The following RELCH variants were observed in gnomAD, a reference collection of about 807,000 sequenced individuals.
RELCH encodes the protein RAB11-binding protein RELCH.
RELCH carries 41 observed loss-of-function variants against 150.3 expected under a neutral mutation model. The ratio of observed to expected loss-of-function variants is 0.27; its 90% CI spans 0.21 to 0.35. The LOEUF is 0.35. Among genes scored for constraint, RELCH ranks in the 10% least tolerant of loss-of-function variants. The pLI is 1.00. For synonymous variants in RELCH, 478 were observed against 531.8 expected, an observed-to-expected ratio of 0.90 and a Z score of 1.39; for missense variants, 1,092 against 1,467.8, an observed-to-expected ratio of 0.74 and a Z score of 4.18.
chr18:62,291,240 A>G (rs940003309), intron 26 of RELCH, among the ~76,000 whole-genome samples: 3 of 152,230 alleles, frequency 2.0e-5, no homozygotes, highest in Non-Finnish European at 4.4e-5. Context: ...TCATTGAAAC[A>G]TCTGATTGGG....
intron 15 of RELCH, among the ~76,000 whole-genome samples, chr18:62,259,107 A>G (rs1348679590): frequency 6.6e-6 from 1 of 152,048 alleles, no homozygotes; most frequent in Non-Finnish European, 1.5e-5. Flanking sequence ...TCATTTTTAA[A>G]ATGAACTTTT....
chr18:62,282,526 T>G (rs1252356660), intron 25 of RELCH, 82 bp downstream of exon 25: 2 of 1,428,246 alleles, frequency 1.4e-6, no homozygotes, highest in South Asian at 1.2e-5. Context: ...TGTCATGTAT[T>G]AAAATTTTGG....
At chr18:62,252,526 AAAT>A in intron 11 of RELCH, 135 bp from the exon 12 acceptor site, 3 of 641,576 alleles carry the variant, frequency 4.7e-6, no homozygotes. Flanking sequence ...CAAAAAAAAT[AAAT>A]AAATAAAAAG....
At chr18:62,292,947 T>C (rs563195263) in intron 27 of RELCH, among the ~76,000 whole-genome samples, 1 of 152,300 alleles carries the variant, frequency 6.6e-6, no homozygotes, top group African/African-American at 2.4e-5. Context: ...TCTCTTCGTG[T>C]TATTCTCCTA....
chr18:62,258,114 T>G, intron 14 of RELCH, 26 bp downstream of exon 14: 1 of 1,551,024 alleles, frequency 6.4e-7, no homozygotes, highest in Non-Finnish European at 8.8e-7. Flanking sequence ...TGAACTGATT[T>G]TACTCCATTA....
chr18:62,303,977 C>T (rs1193205455), intron 28 of RELCH, among the ~76,000 whole-genome samples: 1 of 152,058 alleles, frequency 6.6e-6, no homozygotes, highest in Non-Finnish European at 1.5e-5. Flanking sequence ...GGAGATGCTT[C>T]AAAGAATAAG....
intron 2 of RELCH, among the ~76,000 whole-genome samples, chr18:62,218,519 T>G (rs2040624561): frequency 6.6e-6 from 1 of 151,934 alleles, no homozygotes; most frequent in Admixed American, 6.6e-5. Flanking sequence ...GTTGTACATC[T>G]CATAAGTCAT....
Position 62,255,379 on chromosome 18 carries a change from CTTGAT to C in RELCH, c.1825-25_1825-21del, listed in dbSNP as rs752162470. 12 of 1,503,790 alleles carry C rather than the reference CTTGAT, an allele frequency of 8.0e-6. No homozygotes were observed. In the East Asian group the frequency reaches 2.7e-4, roughly 34 times the overall value. 93.2% of individuals were successfully genotyped at this position (1,503,790 alleles called of 1,614,324 possible). A position where few individuals can be genotyped will look rare whatever the true frequency, so the allele number is the denominator to read the frequency against. On this transcript the variant is annotated intron_variant, in intron 12 of 28. Coordinates refer to ENST00000644646, the MANE Select transcript of RELCH (RefSeq NM_001346231.2). ...AGGAAGGGAGGGTATGCTGTTTATG[CTTGAT>C]TTATTTATTTTTTTTGCTCTAGATT...
At chr18:62,275,773 T>C (rs1350996809) in intron 22 of RELCH, among the ~76,000 whole-genome samples, 1 of 152,222 alleles carries the variant, frequency 6.6e-6, no homozygotes, top group African/African-American at 2.4e-5. Flanking sequence ...TCTTTCTGAC[T>C]ATACTTTTTG....
At chr18:62,226,372 A>G (rs2041218534) in intron 5 of RELCH, among the ~76,000 whole-genome samples, 1 of 152,122 alleles carries the variant, frequency 6.6e-6, no homozygotes, top group Non-Finnish European at 1.5e-5. Context: ...AATACACAAC[A>G]AATTGAAGAG....
chr18:62,203,420 G>A (rs2039576268), intron 1 of RELCH, among the ~76,000 whole-genome samples: 1 of 152,098 alleles, frequency 6.6e-6, no homozygotes, highest in African/African-American at 2.4e-5. Context: ...TTGCGCCACT[G>A]CACTCCACCC....
intron 1 of RELCH, among the ~76,000 whole-genome samples, chr18:62,205,600 T>C (rs1180900426): frequency 2.6e-5 from 4 of 152,276 alleles, no homozygotes; most frequent in Admixed American, 6.5e-5. Flanking sequence ...ATTTTTAATA[T>C]TAACTTTTTG....
chr18:62,277,471 G>A (rs981345095), intron 22 of RELCH: 1 of 448,970 alleles, frequency 2.2e-6, no homozygotes, highest in African/African-American at 2.1e-5. Flanking sequence ...AGAATAATGG[G>A]TCATAAGATT....
intron 26 of RELCH, among the ~76,000 whole-genome samples, chr18:62,289,781 C>T (rs1600253379): frequency 6.6e-6 from 1 of 152,138 alleles, no homozygotes; most frequent in South Asian, 2.1e-4. Context: ...CTTTAACTTT[C>T]GAATCCTTGA....
intron 16 of RELCH, among the ~76,000 whole-genome samples, chr18:62,263,143 T>A (rs963856675): frequency 6.6e-6 from 1 of 152,070 alleles, no homozygotes; most frequent in African/African-American, 2.4e-5. Flanking sequence ...AGCAACCCTA[T>A]TTCCAAATAA....
At position 62,309,201 on chromosome 18, in the gene RELCH, C is replaced by T. The variant is rs1269194499; in HGVS notation, c.*3667C>T. 6.7e-6 allele frequency: 1 copy of T among 149,116 alleles called. No individual in the cohort carries two copies. Among genetic ancestry groups the T allele is most frequent in the Non-Finnish European group, 1.5e-5 (1 of 67,622 alleles). 9.2% of individuals were successfully genotyped at this position (149,116 alleles called of 1,614,324 possible). A position where few individuals can be genotyped will look rare whatever the true frequency, so the allele number is the denominator to read the frequency against. On this transcript the variant is annotated 3_prime_UTR_variant, in exon 29 of 29. Coordinates refer to ENST00000644646, the MANE Select transcript of RELCH (RefSeq NM_001346231.2). Reference sequence around the variant, plus strand: ...GCAGTGAGCCAAGATCGTGCCACTGCACTCTAGCCTGGGCGAGAGTGAGAC... The same window carrying T: ...GCAGTGAGCCAAGATCGTGCCACTGTACTCTAGCCTGGGCGAGAGTGAGAC...
chr18:62,282,868 G>T (rs1354300433), intron 25 of RELCH, among the ~76,000 whole-genome samples: 1 of 152,034 alleles, frequency 6.6e-6, no homozygotes, highest in African/African-American at 2.4e-5. Flanking sequence ...ATGTTGGCCA[G>T]GCTGGTCTCC....
chr18:62,277,571 C>T, intron 22 of RELCH: 1 of 822,660 alleles, frequency 1.2e-6, no homozygotes, highest in Non-Finnish European at 1.5e-6. Context: ...AAAACACATT[C>T]TTTTTTTAAA....
chr18:62,194,448 T>G (rs904965105), intron 1 of RELCH, among the ~76,000 whole-genome samples: 1 of 152,220 alleles, frequency 6.6e-6, no homozygotes, highest in African/African-American at 2.4e-5. Flanking sequence ...AGGAACCGTA[T>G]TTTAATGAAG....
Sources: gnomAD v4.1 joint callset for allele counts (sites outside exome capture counted in the v4.1 genomes callset) on GRCh38, gnomAD v4.1.1 for gene constraint, MANE v1.5 for transcripts, NCBI Gene and HGNC (gene_info 2026-07-23, HGNC 2026-07-21) for gene names.